Variants in ANKRD44 observed in about 807,000 individuals in gnomAD.
ANKRD44 encodes ankyrin repeat domain 44.
In ANKRD44, 35 loss-of-function variants were observed where a neutral mutation model predicts 116.0. The observed-to-expected ratio is 0.30, with a 90% CI of 0.23 to 0.40. ANKRD44 has a LOEUF of 0.40. ANKRD44 is among the 10% of genes least tolerant of loss of function. ANKRD44 has a pLI of 1.00. For missense variants in ANKRD44, 1,014 were observed against 1,242.6 expected (o/e 0.82, Z 2.77); for synonymous variants, 435 against 461.8 (o/e 0.94, Z 0.74).
At chr2:197,303,715 G>A (rs1401689957) in intron 1 of ANKRD44, among the ~76,000 whole-genome samples, 2 of 152,136 alleles carry the variant, frequency 1.3e-5, no homozygotes, top group Admixed American at 6.5e-5. Context: ...AACAATTATC[G>A]ACTTAGTAAT....
chr2:197,149,284 T>C (rs944780946), intron 2 of ANKRD44, among the ~76,000 whole-genome samples: 1 of 152,224 alleles, frequency 6.6e-6, no homozygotes, highest in African/African-American at 2.4e-5. Flanking sequence ...GCAACTCTAT[T>C]TGAGATCTTG....
At chr2:197,310,211 G>GGGGCCC (rs1344928524) in intron 1 of ANKRD44, among the ~76,000 whole-genome samples, 2 of 151,808 alleles carry the variant, frequency 1.3e-5, no homozygotes, top group Non-Finnish European at 2.9e-5. Context: ...CCTCCTCCCC[G>GGGGCCC]GGGCCCGGGC....
intron 16 of ANKRD44, among the ~76,000 whole-genome samples, chr2:197,066,718 A>G (rs1031979937): frequency 2.6e-5 from 4 of 152,208 alleles, no homozygotes; most frequent in African/African-American, 9.6e-5. Context: ...TAGGAATCCA[A>G]CTTACAAGGG....
chr2:197,309,420 T>TA (rs548776966), intron 1 of ANKRD44, among the ~76,000 whole-genome samples: 3 of 152,110 alleles, frequency 2.0e-5, no homozygotes, highest in Non-Finnish European at 4.4e-5. Flanking sequence ...AAAAACAAGC[T>TA]AAAAAAATTG....
intron 2 of ANKRD44, among the ~76,000 whole-genome samples, chr2:197,172,227 C>A (rs1417395253): frequency 6.6e-6 from 1 of 152,066 alleles, no homozygotes; most frequent in Non-Finnish European, 1.5e-5. Context: ...GTCTAGAACT[C>A]CTGACCTCAA....
At chr2:197,248,216 T>C (rs2082234163) in intron 1 of ANKRD44, among the ~76,000 whole-genome samples, 1 of 152,086 alleles carries the variant, frequency 6.6e-6, no homozygotes, top group Non-Finnish European at 1.5e-5. Flanking sequence ...TTTAAATGAA[T>C]GAACTTTGGG....
intron 16 of ANKRD44, among the ~76,000 whole-genome samples, chr2:197,041,314 A>G (rs771877276): frequency 6.6e-6 from 1 of 152,142 alleles, no homozygotes; most frequent in Non-Finnish European, 1.5e-5. Flanking sequence ...AGGTCATGGT[A>G]ACGGCCAAGG....
At chr2:197,143,273 A>G (rs1015053182) in intron 3 of ANKRD44, among the ~76,000 whole-genome samples, 3 of 150,916 alleles carry the variant, frequency 2.0e-5, no homozygotes, top group African/African-American at 7.3e-5. Context: ...ATATGTATAC[A>G]TGTGCCATGC....
At chr2:197,099,350 C>G (rs1298832213) in intron 10 of ANKRD44, 1 of 225,418 alleles carries the variant, frequency 4.4e-6, no homozygotes, top group Non-Finnish European at 7.5e-6. Context: ...AGCATAGATG[C>G]TTTATGTATT....
intron 25 of ANKRD44, 104 bp from the exon 26 acceptor site, chr2:196,995,565 T>A: frequency 1.2e-6 from 1 of 852,860 alleles, no homozygotes; most frequent in Non-Finnish European, 1.8e-6. Flanking sequence ...GTCGTCTGCC[T>A]AAGAACATTC....
At chr2:196,992,551 G>C (rs1372077971) in intron 27 of ANKRD44, 1 of 152,584 alleles carries the variant, frequency 6.6e-6, no homozygotes, top group South Asian at 2.1e-4. Context: ...CCATTTTGGA[G>C]AAAAACTGTG....
At chr2:197,113,390 ATTAAC>A (rs2078635096) in intron 8 of ANKRD44, among the ~76,000 whole-genome samples, 3 of 152,380 alleles carry the variant, frequency 2.0e-5, no homozygotes, top group Admixed American at 2.0e-4. Context: ...TGGAGTTGGC[ATTAAC>A]TTGTCCCTAG....
intron 16 of ANKRD44, among the ~76,000 whole-genome samples, chr2:197,066,192 A>G (rs2077429713): frequency 6.6e-6 from 1 of 152,238 alleles, no homozygotes; most frequent in Non-Finnish European, 1.5e-5. Flanking sequence ...CAAAAACCAC[A>G]TGATTATCTC....
At position 196,988,507 on chromosome 2, in the gene ANKRD44, C is replaced by T; in HGVS notation, c.*1084G>A. 1 of 985,348 alleles carries T rather than the reference C, an allele frequency of 1.0e-6. No homozygotes were observed. The highest frequency in any genetic ancestry group is 1.2e-6 in the Non-Finnish European group (1 of 829,888). 61.0% of individuals were successfully genotyped at this position (985,348 alleles called of 1,614,324 possible). ...TCAATAAATCCTTTGAACAAGTTCT[C>T]ATTTGTGAAGAACCCAACAGGAGTT... is the stretch of plus-strand genomic sequence containing the variant. On this transcript the variant is annotated 3_prime_UTR_variant, in exon 28 of 28. Transcript: ENST00000282272.
intron 1 of ANKRD44, among the ~76,000 whole-genome samples, chr2:197,236,807 C>T (rs2081989081): frequency 6.6e-6 from 1 of 151,950 alleles, no homozygotes; most frequent in Non-Finnish European, 1.5e-5. Flanking sequence ...ATCCCCGTGC[C>T]ACTTCAGTCC....
intron 4 of ANKRD44, among the ~76,000 whole-genome samples, chr2:197,129,443 C>A (rs188629583): frequency 6.8e-4 from 104 of 152,248 alleles, no homozygotes; most frequent in South Asian, 1.2e-3. Context: ...ACCTTTGTTT[C>A]TTTCTTAATG....
In ANKRD44 at chr2:197,187,065, C is replaced by T; in HGVS notation, c.69G>A (p.Glu23=). ...CAGTTTTATGGATGAGCATCCGGAT[C>T]TCCTCTGGATCACCGCTGAAGATTG... is the stretch of plus-strand genomic sequence containing the variant. ...VQAIFSGDPE[E]IRMLIHKTED... is the part of the protein sequence containing the mutation. Residue 23 remains glutamate (E), a synonymous_variant, in exon 2 of 28, where the codon GAG becomes GAA. Transcript: ENST00000282272. 4 of 1,614,152 alleles carry T rather than the reference C, an allele frequency of 2.5e-6. No homozygotes were observed. The highest frequency in any genetic ancestry group is 1.6e-4 in the Middle Eastern group (1 of 6,062).
Position 196,999,970 on chromosome 2 carries a change from A to G in ANKRD44, c.2519+449T>C, listed in dbSNP as rs80095578. Reference sequence around the variant, plus strand: ...TTGGAAACAATCTAAATGTTCTTCAATAGAGGGCAGGATGAGCAAATTATA... The same window carrying G: ...TTGGAAACAATCTAAATGTTCTTCAGTAGAGGGCAGGATGAGCAAATTATA... On this transcript the variant is annotated intron_variant, in intron 23 of 27. Coordinates refer to ENST00000282272, the MANE Select transcript of ANKRD44 (RefSeq NM_001195144.2). Among the ~76,000 whole-genome samples, 12 of 152,314 alleles carry G rather than the reference A, an allele frequency of 7.9e-5. 1 individual carries two copies. The East Asian group carries it at 2.1e-3, about 27-fold the overall frequency.
At position 197,085,852 on chromosome 2, in the gene ANKRD44, C is replaced by T. The variant is rs72924671; in HGVS notation, c.1316+828G>A. 5.8e-3 allele frequency among the ~76,000 whole-genome samples: 887 copies of T among 152,058 alleles called. 3 individuals carry two copies. Among genetic ancestry groups the T allele is most frequent in the Middle Eastern group, 0.01 (3 of 294 alleles). ...TGGACTCGCCCTGAATTGTTTCTTG[C>T]GCAAGATACAAGAACCCTCTCTTGG... is the stretch of plus-strand genomic sequence containing the variant. On this transcript the variant is annotated intron_variant, in intron 13 of 27. Coordinates refer to ENST00000282272, the MANE Select transcript of ANKRD44 (RefSeq NM_001195144.2).
Sources: gnomAD v4.1 joint callset for allele counts (sites outside exome capture counted in the v4.1 genomes callset) on GRCh38, gnomAD v4.1.1 for gene constraint, MANE v1.5 for transcripts, NCBI Gene and HGNC (gene_info 2026-07-23, HGNC 2026-07-21) for gene names.